ADGRL2: variants seen among roughly 807,000 people sequenced by gnomAD.
The protein encoded by ADGRL2 is calcium-independent alpha-latrotoxin receptor 2.
ADGRL2 carries 44 observed loss-of-function variants against 157.4 expected under a neutral mutation model. The observed-to-expected ratio is 0.28, with a 90% CI of 0.22 to 0.36. The LOEUF (loss-of-function observed/expected upper bound fraction) is 0.36. Among genes scored for constraint, ADGRL2 ranks in the 10% least tolerant of loss-of-function variants. The pLI is 1.00. For synonymous variants in ADGRL2, 585 were observed against 624.7 expected (o/e 0.94, Z 0.95); for missense variants, 1,510 against 1,768.9 (o/e 0.85, Z 2.63).
intron 1 of ADGRL2, among the ~76,000 whole-genome samples, chr1:81,325,434 A>C (rs1660828782): frequency 6.6e-6 from 1 of 152,178 alleles, no homozygotes; most frequent in African/African-American, 2.4e-5. Flanking sequence ...GAAAACAAAG[A>C]AGATTCTCTC....
At chr1:81,650,589 A>AAG (rs1491488377) in intron 3 of ADGRL2, among the ~76,000 whole-genome samples, 144 of 151,422 alleles carry the variant, frequency 9.5e-4, no homozygotes, top group African/African-American at 3.3e-3. Context: ...AAAAAAAAAA[A>AAG]AAAAGAAAAA....
chr1:81,980,343 T>C (rs531802345), intron 18 of ADGRL2, among the ~76,000 whole-genome samples: 1 of 151,890 alleles, frequency 6.6e-6, no homozygotes, highest in African/African-American at 2.4e-5. Flanking sequence ...CTAATCCTGT[T>C]TTCCTAAGAG....
At chr1:81,317,836 T>A (rs1660219712) in intron 1 of ADGRL2, among the ~76,000 whole-genome samples, 1 of 152,192 alleles carries the variant, frequency 6.6e-6, no homozygotes, top group African/African-American at 2.4e-5. Context: ...CTATGAAACA[T>A]GTTATTTCAA....
intron 1 of ADGRL2, among the ~76,000 whole-genome samples, chr1:81,815,362 T>C (rs920345023): frequency 1.3e-5 from 2 of 151,844 alleles, no homozygotes; most frequent in Admixed American, 1.3e-4. Flanking sequence ...TGCTGTGTTA[T>C]CTCTTAGTAG....
At chr1:81,320,024 C>A (rs1462539639) in intron 1 of ADGRL2, among the ~76,000 whole-genome samples, 1 of 152,210 alleles carries the variant, frequency 6.6e-6, no homozygotes, top group Admixed American at 6.5e-5. Flanking sequence ...TCAATCCTCT[C>A]AAACCCTGCT....
intron 1 of ADGRL2, among the ~76,000 whole-genome samples, chr1:81,403,509 G>A (rs6700279): frequency 0.44 from 66,373 of 151,724 alleles, 15,495 homozygotes; most frequent in East Asian, 0.62. Context: ...CAGGTGATCT[G>A]CCCTCCTTGG....
chr1:81,328,342 A>G (rs1043464778), intron 1 of ADGRL2, among the ~76,000 whole-genome samples: 1 of 152,162 alleles, frequency 6.6e-6, no homozygotes, highest in Non-Finnish European at 1.5e-5. Flanking sequence ...CCTTGACACC[A>G]GAAGAGTTCC....
chr1:81,758,724 G>A (rs2085772565), intron 1 of ADGRL2, among the ~76,000 whole-genome samples: 3 of 152,316 alleles, frequency 2.0e-5, no homozygotes, highest in African/African-American at 7.2e-5. Flanking sequence ...CATGGAATAT[G>A]CCTACACAAA....
intron 2 of ADGRL2, among the ~76,000 whole-genome samples, chr1:81,844,743 G>A (rs1054511340): frequency 6.6e-6 from 1 of 152,032 alleles, no homozygotes; most frequent in African/African-American, 2.4e-5. Flanking sequence ...TCCCAGCCTC[G>A]GGATCTCCTG....
At chr1:81,543,241 G>A (rs2079931706) in intron 2 of ADGRL2, among the ~76,000 whole-genome samples, 1 of 151,784 alleles carries the variant, frequency 6.6e-6, no homozygotes, top group South Asian at 2.1e-4. Flanking sequence ...GCCTTTGCTA[G>A]GTGATTCAAG....
At chr1:81,800,177 G>A (rs2087829529), upstream of ADGRL2, among the ~76,000 whole-genome samples, 1 of 152,136 alleles carries the variant, frequency 6.6e-6, no homozygotes, top group Admixed American at 6.5e-5. Context: ...TCCTTCCTTT[G>A]CTTATCCTGG....
At chr1:81,403,245 G>T (rs200415345) in intron 1 of ADGRL2, among the ~76,000 whole-genome samples, 10 of 84,682 alleles carry the variant, frequency 1.2e-4, no homozygotes, top group Non-Finnish European at 1.7e-4. Flanking sequence ...TTTTGTTGTT[G>T]TTTGTTTGTT....
chr1:81,672,182 A>G (rs1557554060), intron 3 of ADGRL2, among the ~76,000 whole-genome samples: 1 of 152,180 alleles, frequency 6.6e-6, no homozygotes, highest in African/African-American at 2.4e-5. Context: ...GTAGCCTTCT[A>G]AAACTCTGCA....
intron 1 of ADGRL2, among the ~76,000 whole-genome samples, chr1:81,383,600 C>G (rs1185659255): frequency 6.6e-6 from 1 of 151,196 alleles, no homozygotes; most frequent in African/African-American, 2.4e-5. Flanking sequence ...TTTTAAAGGC[C>G]TTTATATTAC....
At chr1:81,366,576 A>C (rs530015340) in intron 1 of ADGRL2, among the ~76,000 whole-genome samples, 1 of 152,146 alleles carries the variant, frequency 6.6e-6, no homozygotes, top group Non-Finnish European at 1.5e-5. Flanking sequence ...TACCAAGGTG[A>C]TATTTCCCTG....
intron 3 of ADGRL2, among the ~76,000 whole-genome samples, chr1:81,915,246 T>A (rs2148490502): frequency 6.6e-6 from 1 of 152,194 alleles, no homozygotes. Context: ...CAGCTAATTT[T>A]TGAAAAGTTT....
rs11351612 is a variant in ADGRL2 at position 81,335,834 on chromosome 1, T to TA, written c.-302+29339dup. ...CCACGCAGTAGGGCTATATAGTGTT[T>TA]AAAAAAAAAAAAAACAAAAAACAAA... On this transcript the variant is annotated intron_variant, in intron 1 of 24. Transcript: ENST00000370721. Among the ~76,000 whole-genome samples, 702 of 143,180 alleles carry TA rather than the reference T, an allele frequency of 4.9e-3. 7 individuals are homozygous for TA. The highest frequency in any genetic ancestry group is 0.013 in the African/African-American group (527 of 39,450). 93.9% of individuals were successfully genotyped at this position (143,180 alleles called of 152,430 possible). A position where few individuals can be genotyped will look rare whatever the true frequency, so the allele number is the denominator to read the frequency against.
intron 1 of ADGRL2, among the ~76,000 whole-genome samples, chr1:81,821,493 T>C (rs2090985431): frequency 6.6e-6 from 1 of 152,178 alleles, no homozygotes; most frequent in Admixed American, 6.6e-5. Flanking sequence ...GCTGGTTATC[T>C]GTCTTCCAAA....
At chr1:81,391,113 T>C (rs2076543936) in intron 1 of ADGRL2, among the ~76,000 whole-genome samples, 1 of 152,306 alleles carries the variant, frequency 6.6e-6, no homozygotes, top group Non-Finnish European at 1.5e-5. Flanking sequence ...TAACAGGCAA[T>C]CAAGTTTGTT....
Sources: gnomAD v4.1 joint callset for allele counts (sites outside exome capture counted in the v4.1 genomes callset) on GRCh38, gnomAD v4.1.1 for gene constraint, MANE v1.5 for transcripts, NCBI Gene and HGNC (gene_info 2026-07-23, HGNC 2026-07-21) for gene names.